PRKG1: variants seen among roughly 807,000 people sequenced by gnomAD.
The protein encoded by PRKG1 is protein kinase cGMP-dependent 1.
Under a neutral mutation model 88.1 loss-of-function variants are expected in PRKG1, and 35 were observed. The observed-to-expected ratio is 0.40, with a 90% CI of 0.30 to 0.53. The LOEUF (loss-of-function observed/expected upper bound fraction) is 0.53. Among genes scored for constraint, PRKG1 ranks in the 20% least tolerant of loss-of-function variants. The probability of loss-of-function intolerance (pLI) is 0.59; values close to 1 mark genes in which losing one functional copy is unlikely to be tolerated. For synonymous variants in PRKG1, 303 were observed against 292.5 expected, an observed-to-expected ratio of 1.04 and a Z score of -0.37; for missense variants, 540 against 839.8, an observed-to-expected ratio of 0.64 and a Z score of 4.41.
chr10:51,892,321 G>A (rs1474986981), intron 4 of PRKG1, among the ~76,000 whole-genome samples: 1 of 152,102 alleles, frequency 6.6e-6, no homozygotes, highest in Non-Finnish European at 1.5e-5. Flanking sequence ...ATTTATTTAT[G>A]GAGCCCTTCT....
At chr10:51,703,222 A>G (rs1482554423) in intron 3 of PRKG1, among the ~76,000 whole-genome samples, 3 of 152,224 alleles carry the variant, frequency 2.0e-5, no homozygotes, top group Non-Finnish European at 4.4e-5. Flanking sequence ...TACACTTTGA[A>G]GGAATTTTTT....
At chr10:51,333,060 G>A (rs189398529) in intron 2 of PRKG1, among the ~76,000 whole-genome samples, 31 of 152,272 alleles carry the variant, frequency 2.0e-4, no homozygotes, top group African/African-American at 7.2e-4. Context: ...GCCACAAAAC[G>A]GTGGGTGGAC....
intron 3 of PRKG1, among the ~76,000 whole-genome samples, chr10:51,508,613 A>G (rs1415104398): frequency 1.3e-5 from 2 of 152,126 alleles, no homozygotes; most frequent in African/African-American, 2.4e-5. Flanking sequence ...TCTTGTGGAT[A>G]TGGCCAACAG....
At chr10:51,855,832 G>A (rs2132817047) in intron 4 of PRKG1, among the ~76,000 whole-genome samples, 1 of 152,284 alleles carries the variant, frequency 6.6e-6, no homozygotes, top group African/African-American at 2.4e-5. Flanking sequence ...GAAATCCAAA[G>A]TGTATTCACT....
intron 17 of PRKG1, 108 bp from the exon 18 acceptor site, chr10:52,293,694 C>A (rs1334616364): frequency 2.5e-6 from 2 of 815,268 alleles, no homozygotes; most frequent in East Asian, 5.2e-5. Flanking sequence ...AGTAGATACT[C>A]AATGAAATAG....
At chr10:51,153,435 CT>C in intron 2 of PRKG1, 105 bp downstream of exon 2, 1 of 1,122,666 alleles carries the variant, frequency 8.9e-7, no homozygotes, top group Non-Finnish European at 1.2e-6. Flanking sequence ...ATTTTTCCTT[CT>C]TTTATTGAGA....
At position 51,880,516 on chromosome 10, in the gene PRKG1, T is replaced by C. The variant is rs183126343; in HGVS notation, c.699-26991T>C. 1.0e-3 allele frequency among the ~76,000 whole-genome samples: 158 copies of C among 152,332 alleles called. 1 individual carries two copies. The highest frequency in any genetic ancestry group is 3.6e-3 in the African/African-American group (148 of 41,572). ...AAGAGTTACTATCTTTCTGGTTTCCTGTGGGGAATAAAGCTTTGTAAATAA... is the reference window on the plus strand; with the variant it reads ...AAGAGTTACTATCTTTCTGGTTTCCCGTGGGGAATAAAGCTTTGTAAATAA... On this transcript the variant is annotated intron_variant, in intron 4 of 17. Coordinates refer to ENST00000373980, the MANE Select transcript of PRKG1 (RefSeq NM_006258.4).
intron 3 of PRKG1, among the ~76,000 whole-genome samples, chr10:51,755,769 C>T (rs1419028496): frequency 6.6e-6 from 1 of 152,158 alleles, no homozygotes; most frequent in African/African-American, 2.4e-5. Flanking sequence ...TATTACCTTT[C>T]CTGTGTACAG....
intron 1 of PRKG1, among the ~76,000 whole-genome samples, chr10:51,009,478 A>G (rs1221706185): frequency 6.6e-6 from 1 of 152,202 alleles, no homozygotes; most frequent in Non-Finnish European, 1.5e-5. Flanking sequence ...AATGTAGTCT[A>G]TAACAGAAAT....
intron 5 of PRKG1, among the ~76,000 whole-genome samples, chr10:51,941,912 A>T (rs984034332): frequency 3.4e-4 from 52 of 152,012 alleles, no homozygotes; most frequent in Admixed American, 1.2e-3. Flanking sequence ...CGCAATAAAC[A>T]TATGTGTGCA....
At chr10:51,601,760 T>TTTTTTTTTTTTTTA in intron 3 of PRKG1, among the ~76,000 whole-genome samples, 1 of 92,494 alleles carries the variant, frequency 1.1e-5, no homozygotes, top group Admixed American at 1.1e-4. Context: ...TTTTTTTTTT[T>TTTTTTTTTTTTTTA]TTTTTTTTTG....
intron 5 of PRKG1, among the ~76,000 whole-genome samples, chr10:51,942,265 T>G (rs9731403): frequency 0.22 from 32,881 of 151,678 alleles, 3,694 homozygotes; most frequent in East Asian, 0.3. Context: ...GAGAAGTGTC[T>G]GTTCATGTCC....
chr10:52,254,648 G>A (rs1023211462), intron 10 of PRKG1, among the ~76,000 whole-genome samples: 1 of 151,946 alleles, frequency 6.6e-6, no homozygotes, highest in Non-Finnish European at 1.5e-5. Context: ...TTGTGTTTGT[G>A]TGTGAAGGTA....
At chr10:51,558,586 G>C (rs947206982) in intron 3 of PRKG1, among the ~76,000 whole-genome samples, 3 of 152,050 alleles carry the variant, frequency 2.0e-5, no homozygotes, top group East Asian at 3.9e-4. Flanking sequence ...AATGCTAAAT[G>C]CCAAGTAGAA....
At position 51,321,631 on chromosome 10, in the gene PRKG1, G is replaced by A. The variant is rs113851034; in HGVS notation, c.479-146092G>A. ...ACCAGAGGCTGGGAAGGGTAGTAGC[G>A]GGGGGATGGTTAATGGGTACGAAAA... On this transcript the variant is annotated intron_variant, in intron 2 of 17. Transcript: ENST00000373980. Among the ~76,000 whole-genome samples the A allele has an allele frequency of 4.3e-3, 651 of 152,150 alleles. 7 individuals are homozygous for A. The highest frequency in any genetic ancestry group is 0.01 in the Middle Eastern group (3 of 294).
At chr10:51,670,944 C>T (rs1261867265) in intron 3 of PRKG1, among the ~76,000 whole-genome samples, 1 of 151,566 alleles carries the variant, frequency 6.6e-6, no homozygotes, top group Non-Finnish European at 1.5e-5. Flanking sequence ...TTTTTACTTC[C>T]AAATTGGGCA....
At chr10:51,325,246 A>C (rs1841559310) in intron 2 of PRKG1, among the ~76,000 whole-genome samples, 1 of 151,966 alleles carries the variant, frequency 6.6e-6, no homozygotes, top group African/African-American at 2.4e-5. Flanking sequence ...TTTTGAAGTG[A>C]TTGAATTGTT....
intron 3 of PRKG1, among the ~76,000 whole-genome samples, chr10:51,618,938 T>A (rs1839136604): frequency 6.7e-6 from 1 of 148,208 alleles, no homozygotes; most frequent in African/African-American, 2.5e-5. Context: ...CCAGCTAATT[T>A]TTTTTTTTTT....
intron 2 of PRKG1, among the ~76,000 whole-genome samples, chr10:51,421,087 A>G (rs923358510): frequency 1.3e-5 from 2 of 152,178 alleles, no homozygotes; most frequent in African/African-American, 4.8e-5. Flanking sequence ...CTATATCACA[A>G]GTCTTTGTTG....
Sources: allele counts gnomAD v4.1 joint callset (sites outside exome capture counted in the v4.1 genomes callset), GRCh38; gene constraint gnomAD v4.1.1; transcripts MANE v1.5; gene names NCBI Gene and HGNC (gene_info 2026-07-23, HGNC 2026-07-21).